The following CEP63 variants were observed in gnomAD, a reference collection of about 807,000 sequenced individuals.
CEP63 encodes centrosomal protein of 63 kDa.
A neutral mutation model predicts 89.1 loss-of-function variants in CEP63; 84 were observed. The ratio of observed to expected loss-of-function variants is 0.94; its 90% CI spans 0.79 to 1.13. The LOEUF (loss-of-function observed/expected upper bound fraction) is 1.13, where lower values mean the gene tolerates loss of function less well. Ranked by LOEUF, CEP63 falls within the 50% of genes most tolerant of loss-of-function variation. CEP63 has a pLI of 0.00. For missense variants in CEP63, 838 were observed against 813.3 expected (o/e 1.03, Z -0.37); for synonymous variants, 267 against 272.5 (o/e 0.98, Z 0.20).
At chr3:134,503,100 C>CTTTTTTTTTTTTT (rs34673408) in intron 2 of CEP63, among the ~76,000 whole-genome samples, 40 of 92,030 alleles carry the variant, frequency 4.3e-4, no homozygotes, top group Middle Eastern at 8.9e-3. Context: ...TGATTTCAAT[C>CTTTTTTTTTTTTT]TTTTTTTTTT....
intron 7 of CEP63, 28 bp from the exon 8 acceptor site, chr3:134,546,121 A>T: frequency 6.2e-7 from 1 of 1,612,126 alleles, no homozygotes; most frequent in Non-Finnish European, 8.5e-7. Flanking sequence ...AAGAAGGAAA[A>T]TTATAATCAT....
chr3:134,721,216 GTATT>G, the CEP63 span, among the ~76,000 whole-genome samples: 14 of 151,990 alleles, frequency 9.2e-5, 1 homozygote, highest in South Asian at 2.7e-3. Flanking sequence ...GTATACCTAA[GTATT>G]TATTCTTTTT....
At chr3:134,541,581 TCTCGGCTCG>T (rs1037745051) in intron 6 of CEP63, among the ~76,000 whole-genome samples, 132 of 145,214 alleles carry the variant, frequency 9.1e-4, no homozygotes, top group Middle Eastern at 3.6e-3. Flanking sequence ...AGTGGCACAA[TCTCGGCTCG>T]CTGCAACCTC....
At chr3:134,721,375 A>G in the CEP63 span, among the ~76,000 whole-genome samples, 2 of 152,164 alleles carry the variant, frequency 1.3e-5, no homozygotes, top group South Asian at 4.1e-4. Flanking sequence ...GTGTTTTAGT[A>G]GATTTCTTAG....
chr3:134,532,748 C>A, intron 4 of CEP63, 30 bp from the exon 5 acceptor site: 2 of 1,573,570 alleles, frequency 1.3e-6, no homozygotes, highest in Non-Finnish European at 1.7e-6. Flanking sequence ...AATTCTTAAA[C>A]TTTAAATATA....
chr3:134,542,862 A>G (rs904147200), intron 6 of CEP63, among the ~76,000 whole-genome samples: 12 of 151,506 alleles, frequency 7.9e-5, no homozygotes, highest in Non-Finnish European at 8.8e-5. Flanking sequence ...AATAACTTCT[A>G]CCCACTCCAA....
chr3:134,658,884 T>C, the CEP63 span, among the ~76,000 whole-genome samples: 4 of 152,196 alleles, frequency 2.6e-5, no homozygotes, highest in Admixed American at 2.6e-4. Context: ...TTAAGAGCAA[T>C]TTTCATTCTT....
At chr3:134,689,779 A>G in the CEP63 span, among the ~76,000 whole-genome samples, 2 of 152,146 alleles carry the variant, frequency 1.3e-5, no homozygotes, top group African/African-American at 2.4e-5. Flanking sequence ...ATGAACCTGT[A>G]CTAATGATTT....
intron 10 of CEP63, among the ~76,000 whole-genome samples, chr3:134,585,245 G>A (rs968291093): frequency 6.6e-6 from 1 of 151,894 alleles, no homozygotes; most frequent in African/African-American, 2.4e-5. Context: ...GAATGTGTTT[G>A]CTCTTGCTTC....
chr3:134,486,337 C>T (rs1354085528), intron 1 of CEP63, 135 bp downstream of exon 1: 1 of 985,468 alleles, frequency 1.0e-6, no homozygotes, highest in East Asian at 1.1e-4. Flanking sequence ...GCTTCGCGGC[C>T]TCATGGCTTG....
the CEP63 span, among the ~76,000 whole-genome samples, chr3:134,746,237 A>G: frequency 1.3e-5 from 2 of 151,596 alleles, no homozygotes; most frequent in Non-Finnish European, 2.9e-5. Context: ...TGTCCCTACA[A>G]AGGACATGAA....
chr3:134,556,610 T>G (rs1046650691), intron 12 of CEP63, among the ~76,000 whole-genome samples: 1 of 152,146 alleles, frequency 6.6e-6, no homozygotes, highest in African/African-American at 2.4e-5. Flanking sequence ...TGAGAGACTC[T>G]TATCTTATGC....
chr3:134,606,579 CT>C, the CEP63 span, among the ~76,000 whole-genome samples: 1 of 152,178 alleles, frequency 6.6e-6, no homozygotes, highest in African/African-American at 2.4e-5. Context: ...CGTTCCACTG[CT>C]GTAATTCATC....
At chr3:134,687,206 A>T in the CEP63 span, among the ~76,000 whole-genome samples, 1 of 152,234 alleles carries the variant, frequency 6.6e-6, no homozygotes, top group African/African-American at 2.4e-5. Flanking sequence ...AAAATGCATC[A>T]TGGAGAAATT....
chr3:134,667,014 C>A, the CEP63 span, among the ~76,000 whole-genome samples: 26 of 152,206 alleles, frequency 1.7e-4, no homozygotes, highest in Middle Eastern at 3.2e-3. Context: ...GCCTCTCAGG[C>A]TGAGATCCCA....
At chr3:134,652,452 C>G in the CEP63 span, among the ~76,000 whole-genome samples, 8 of 150,402 alleles carry the variant, frequency 5.3e-5, no homozygotes, top group East Asian at 2.0e-4. Flanking sequence ...GCGCCCCCCC[C>G]CACCACCCCA....
At chr3:134,495,710 C>A (rs1485262061) in intron 2 of CEP63, among the ~76,000 whole-genome samples, 1 of 152,124 alleles carries the variant, frequency 6.6e-6, no homozygotes, top group Non-Finnish European at 1.5e-5. Flanking sequence ...TGGTTTGTAC[C>A]CATTAACCAA....
At chr3:134,626,364 C>T in the CEP63 span, among the ~76,000 whole-genome samples, 1 of 152,218 alleles carries the variant, frequency 6.6e-6, no homozygotes, top group Non-Finnish European at 1.5e-5. Flanking sequence ...CTGGTTCTGA[C>T]TTCCACCTTG....
intron 8 of CEP63, 72 bp from the exon 9 acceptor site, chr3:134,547,261 AAC>A: frequency 1.4e-6 from 2 of 1,413,552 alleles, no homozygotes; most frequent in Non-Finnish European, 2.0e-6. Flanking sequence ...ATGATGGGGA[AAC>A]ACAGACTAGA....
Sources: gnomAD v4.1 joint callset for allele counts (sites outside exome capture counted in the v4.1 genomes callset) on GRCh38, gnomAD v4.1.1 for gene constraint, MANE v1.5 for transcripts, NCBI Gene and HGNC (gene_info 2026-07-23, HGNC 2026-07-21) for gene names.